MACROD2: variants seen among roughly 807,000 people sequenced by gnomAD.
MACROD2 encodes the protein mono-ADP ribosylhydrolase 2.
A neutral mutation model predicts 70.4 loss-of-function variants in MACROD2; 36 were observed. The observed-to-expected ratio is 0.51, with a 90% CI of 0.39 to 0.68. The LOEUF (loss-of-function observed/expected upper bound fraction) is 0.68, where lower values mean the gene tolerates loss of function less well. MACROD2 is among the 30% of genes least tolerant of loss of function. MACROD2 has a pLI of 0.00. For synonymous variants in MACROD2, 172 were observed against 178.8 expected, an observed-to-expected ratio of 0.96 and a Z score of 0.30; for missense variants, 496 against 538.4, an observed-to-expected ratio of 0.92 and a Z score of 0.78.
At chr20:15,670,144 A>G (rs1186237581) in intron 8 of MACROD2, among the ~76,000 whole-genome samples, 1 of 152,206 alleles carries the variant, frequency 6.6e-6, no homozygotes, top group East Asian at 1.9e-4. Context: ...TGCAGAGAAA[A>G]TGGGAAGCAA....
At chr20:14,746,455 A>G (rs1056910009) in intron 5 of MACROD2, among the ~76,000 whole-genome samples, 1 of 152,168 alleles carries the variant, frequency 6.6e-6, no homozygotes, top group Admixed American at 6.6e-5. Flanking sequence ...ATCTTATACT[A>G]TCTAAGGTTA....
intron 3 of MACROD2, among the ~76,000 whole-genome samples, chr20:14,395,026 G>C (rs1320986602): frequency 6.6e-6 from 1 of 151,936 alleles, no homozygotes; most frequent in Non-Finnish European, 1.5e-5. Context: ...ATTGATTAGG[G>C]CTGCTGACCT....
At chr20:14,732,050 C>T (rs1006859849) in intron 5 of MACROD2, among the ~76,000 whole-genome samples, 26 of 152,120 alleles carry the variant, frequency 1.7e-4, no homozygotes, top group African/African-American at 6.3e-4. Flanking sequence ...CATAGAAACA[C>T]AACTGTAAGG....
chr20:15,407,270 G>A (rs1446909688), intron 6 of MACROD2, among the ~76,000 whole-genome samples: 2 of 152,112 alleles, frequency 1.3e-5, no homozygotes, highest in African/African-American at 4.8e-5. Flanking sequence ...GCTAGGGATG[G>A]GAGTTGGTGG....
intron 12 of MACROD2, among the ~76,000 whole-genome samples, chr20:15,939,148 A>C (rs2065712283): frequency 6.6e-6 from 1 of 152,250 alleles, no homozygotes; most frequent in South Asian, 2.1e-4. Context: ...AAGCTGCAGC[A>C]AGTTATCAAG....
At chr20:15,422,389 C>T (rs1402048237) in intron 6 of MACROD2, among the ~76,000 whole-genome samples, 14 of 152,058 alleles carry the variant, frequency 9.2e-5, no homozygotes, top group Admixed American at 9.2e-4. Context: ...TTGTTTTAGC[C>T]TTGTATTCAT....
At chr20:14,846,637 C>T (rs2073144451) in intron 5 of MACROD2, among the ~76,000 whole-genome samples, 1 of 151,604 alleles carries the variant, frequency 6.6e-6, no homozygotes, top group South Asian at 2.1e-4. Flanking sequence ...CCTGCCTCAG[C>T]CTCCTGAGTA....
intron 5 of MACROD2, among the ~76,000 whole-genome samples, chr20:14,784,675 G>T (rs949340331): frequency 2.1e-5 from 3 of 141,902 alleles, no homozygotes; most frequent in East Asian, 4.4e-4. Flanking sequence ...AAGTGGGGGG[G>T]GGGGGGCACC....
chr20:16,036,998 G>A (rs1025363921), intron 15 of MACROD2, among the ~76,000 whole-genome samples: 7 of 151,968 alleles, frequency 4.6e-5, no homozygotes, highest in South Asian at 4.1e-4. Flanking sequence ...TCTGCTCCAG[G>A]AATATAGTGG....
At chr20:15,980,250 G>A (rs1175287410) in intron 13 of MACROD2, among the ~76,000 whole-genome samples, 3 of 152,212 alleles carry the variant, frequency 2.0e-5, no homozygotes, top group Non-Finnish European at 4.4e-5. Flanking sequence ...CTGGTGCAGG[G>A]CTGCCTGTCT....
At chr20:15,631,368 T>G (rs2049287967) in intron 8 of MACROD2, among the ~76,000 whole-genome samples, 1 of 152,240 alleles carries the variant, frequency 6.6e-6, no homozygotes, top group Non-Finnish European at 1.5e-5. Context: ...ATTAATGATC[T>G]CTTTAATGAA....
At chr20:15,495,382 T>TA (rs2047284301) in intron 7 of MACROD2, among the ~76,000 whole-genome samples, 3 of 152,226 alleles carry the variant, frequency 2.0e-5, no homozygotes, top group Non-Finnish European at 4.4e-5. Context: ...ATCTTGATAT[T>TA]TTTCTCCCCT....
intron 9 of MACROD2, among the ~76,000 whole-genome samples, chr20:15,876,448 CT>C (rs1227905330): frequency 6.6e-6 from 1 of 151,990 alleles, no homozygotes; most frequent in South Asian, 2.1e-4. Context: ...TAAACTCATC[CT>C]TTTTTATGGC....
intron 5 of MACROD2, among the ~76,000 whole-genome samples, chr20:15,067,313 G>T (rs779517760): frequency 6.6e-5 from 10 of 152,022 alleles, no homozygotes; most frequent in Non-Finnish European, 1.5e-4. Flanking sequence ...AAAAATAATT[G>T]ATTTTGATAT....
intron 10 of MACROD2, among the ~76,000 whole-genome samples, chr20:15,888,945 G>A (rs1028213616): frequency 7.2e-5 from 11 of 152,064 alleles, no homozygotes; most frequent in South Asian, 2.1e-4. Flanking sequence ...CCTTTCCCCC[G>A]CCCTGCATCA....
intron 7 of MACROD2, among the ~76,000 whole-genome samples, chr20:15,473,935 T>C (rs2046990579): frequency 6.6e-6 from 1 of 152,244 alleles, no homozygotes; most frequent in South Asian, 2.1e-4. Context: ...TGTGTCTGCA[T>C]GTTCCAGAGT....
chr20:14,223,793 T>C (rs1032421691), intron 3 of MACROD2, among the ~76,000 whole-genome samples: 2 of 152,264 alleles, frequency 1.3e-5, no homozygotes, highest in South Asian at 2.1e-4. Context: ...CCACCGCGCC[T>C]GGCCTCTACA....
intron 8 of MACROD2, among the ~76,000 whole-genome samples, chr20:15,689,113 G>A (rs2050265615): frequency 6.6e-6 from 1 of 152,276 alleles, no homozygotes; most frequent in African/African-American, 2.4e-5. Flanking sequence ...AGACCAGCCT[G>A]GCCAACATGG....
intron 6 of MACROD2, among the ~76,000 whole-genome samples, chr20:15,279,870 A>C (rs1305824058): frequency 1.3e-5 from 2 of 152,170 alleles, no homozygotes; most frequent in Non-Finnish European, 2.9e-5. Context: ...TAGGATCAAC[A>C]TGAGGATAAT....
Sources: gnomAD v4.1 joint callset for allele counts (sites outside exome capture counted in the v4.1 genomes callset) on GRCh38, gnomAD v4.1.1 for gene constraint, MANE v1.5 for transcripts, NCBI Gene and HGNC (gene_info 2026-07-23, HGNC 2026-07-21) for gene names.